Variants in CDK5R1 observed in about 807,000 individuals in gnomAD.
CDK5R1 encodes the protein cyclin-dependent kinase 5 activator 1.
CDK5R1 carries 1 observed loss-of-function variant against 19.0 expected under a neutral mutation model. That is an observed-to-expected ratio of 0.05 (90% CI 0.02 to 0.25). CDK5R1 has a LOEUF of 0.25. Ranked by LOEUF, CDK5R1 falls within the 10% of genes least tolerant of loss-of-function variation. CDK5R1 has a pLI of 1.00. For synonymous variants in CDK5R1, 225 were observed against 187.7 expected (o/e 1.20, Z -1.62); for missense variants, 314 against 401.0 (o/e 0.78, Z 1.85).
Position 32,487,595 on chromosome 17 carries a change from G to GC in CDK5R1, c.-21dup, listed in dbSNP as rs1567862354. On this transcript the variant is annotated 5_prime_UTR_variant, in exon 2 of 2. Transcript: ENST00000313401. The surrounding 1 kb of genome is among the most constrained non-coding windows in gnomAD (Gnocchi z 7.9). Reference sequence around the variant, plus strand: ...GCAGGCTGGGCGCGCAGGGGCGCGAGCCCCCGCCCGGCGCGCAGCAGCACC... The same window carrying GC: ...GCAGGCTGGGCGCGCAGGGGCGCGAGCCCCCCGCCCGGCGCGCAGCAGCACC... 1.9e-6 allele frequency: 3 copies of GC among 1,591,632 alleles called. No homozygotes were observed. Among genetic ancestry groups the GC allele is most frequent in the Non-Finnish European group, 2.6e-6 (3 of 1,169,284 alleles).
Position 32,489,071 on chromosome 17 carries a change from G to C in CDK5R1, c.*527G>C. The C allele has an allele frequency of 2.2e-6, 1 of 456,272 alleles. No homozygotes were observed. The allele number at this position is 456,272 out of a possible 1,614,324, so 28.3% of individuals were successfully genotyped here. On this transcript the variant is annotated 3_prime_UTR_variant, in exon 2 of 2. Coordinates refer to ENST00000313401, the MANE Select transcript of CDK5R1 (RefSeq NM_003885.3). The stretch of plus-strand genomic sequence containing the variant: ...TTCAATCTAGGCGAGGCGAAGCTGA[G>C]CGGGTCTAGTGGAAAGATTGTGTCT...
Position 32,488,772 on chromosome 17 carries a change from C to T in CDK5R1, c.*228C>T. 1.4e-6 allele frequency: 1 copy of T among 738,088 alleles called. No homozygotes were observed. The highest frequency in any genetic ancestry group is 2.2e-6 in the Non-Finnish European group (1 of 462,036). 45.7% of individuals were successfully genotyped at this position (738,088 alleles called of 1,614,324 possible). The stretch of plus-strand genomic sequence containing the variant: ...TATTCAGAGCCACCCAGGCCACTGA[C>T]CTCCCACTTTGGGGAACTCAAAGGA... On this transcript the variant is annotated 3_prime_UTR_variant, in exon 2 of 2. Coordinates refer to ENST00000313401, the MANE Select transcript of CDK5R1 (RefSeq NM_003885.3).
rs1246036183 is a variant in CDK5R1 at position 32,488,998 on chromosome 17, A to C, written c.*454A>C. 10 of 375,554 alleles carry C rather than the reference A, an allele frequency of 2.7e-5. No homozygotes were observed. In the Admixed American group the frequency reaches 3.6e-4, roughly 14 times the overall value. 23.3% of individuals were successfully genotyped at this position (375,554 alleles called of 1,614,324 possible). A position where few individuals can be genotyped will look rare whatever the true frequency, so the allele number is the denominator to read the frequency against. The stretch of plus-strand genomic sequence containing the variant: ...CTCCTGGAGCCAGCCACCCTAACTG[A>C]GCTGCCAGTGGGGTCGTGAGGCAAG... On this transcript the variant is annotated 3_prime_UTR_variant, in exon 2 of 2. Transcript: ENST00000313401.
chr17:32,488,238 G>T lies in CDK5R1; in HGVS notation c.618G>T (p.Met206Ile). The stretch of plus-strand genomic sequence containing the variant: ...CGGCCAACGTGGTCTTCCTCTACAT[G>T]CTCTGCAGGGATGTTATCTCCTCCG... ...ITPANVVFLY[M>I]LCRDVISSEV... Residue 206 changes from methionine to isoleucine, a missense_variant, in exon 2 of 2, where the codon ATG becomes ATT. Met to Ile is a conservative substitution (Grantham distance 10). Transcript: ENST00000313401. The T allele has an allele frequency of 6.2e-7, 1 of 1,614,030 alleles. No individual in the cohort carries two copies. Among genetic ancestry groups the T allele is most frequent in the Non-Finnish European group, 8.5e-7 (1 of 1,180,030 alleles).
At position 32,488,230 on chromosome 17, in the gene CDK5R1, C is replaced by G. The variant is rs1215616776; in HGVS notation, c.610C>G (p.Leu204Val). ...GFITPANVVFLYMLCRDVISS... is the reference protein window; with the variant it reads ...GFITPANVVFVYMLCRDVISS... ...CATCACGCCGGCCAACGTGGTCTTCCTCTACATGCTCTGCAGGGATGTTAT... is the reference window on the plus strand; with the variant it reads ...CATCACGCCGGCCAACGTGGTCTTCGTCTACATGCTCTGCAGGGATGTTAT... The change falls in exon 2 of 2, where the codon CTC (leucine) becomes GTC (valine). Residue 204 changes from leucine (L) to valine (V), a missense_variant. Physicochemically the swap from Leu to Val is conservative, Grantham distance 32. Transcript: ENST00000313401. 1 of 1,614,026 alleles carries G rather than the reference C, an allele frequency of 6.2e-7. No homozygotes were observed. Among genetic ancestry groups the G allele is most frequent in the South Asian group, 1.1e-5 (1 of 91,088 alleles).
chr17:32,487,544 G>T lies in CDK5R1; in HGVS notation c.-77G>T. Reference sequence around the variant, plus strand: ...TCCTCTCCGGGGCCGCCGCAGGCTCGGTGAGCGGTTTTATCCCTCCGGCCG... The same window carrying T: ...TCCTCTCCGGGGCCGCCGCAGGCTCTGTGAGCGGTTTTATCCCTCCGGCCG... On this transcript the variant is annotated 5_prime_UTR_variant, in exon 2 of 2. Transcript: ENST00000313401. This position sits in a 1 kb window ranked among gnomAD's most constrained non-coding sequence, Gnocchi z 7.9. 1 of 1,227,828 alleles carries T rather than the reference G, an allele frequency of 8.1e-7. No homozygotes were observed. Among genetic ancestry groups the T allele is most frequent in the African/African-American group, 1.5e-5 (1 of 65,808 alleles). The allele number at this position is 1,227,828 out of a possible 1,614,324, so 76.1% of individuals were successfully genotyped here.
In CDK5R1 at chr17:32,489,557, A is replaced by C; in HGVS notation, c.*1013A>C. ...CCCGTTAATTTAAAGCTGTTTCTAA[A>C]CAGTTGAGTTTCTTCTAAAGAGGAA... is the stretch of plus-strand genomic sequence containing the variant. On this transcript the variant is annotated 3_prime_UTR_variant, in exon 2 of 2. Coordinates refer to ENST00000313401, the MANE Select transcript of CDK5R1 (RefSeq NM_003885.3). The C allele has an allele frequency of 9.7e-6, 2 of 206,238 alleles. No homozygotes were observed. The highest frequency in any genetic ancestry group is 1.7e-4 in the South Asian group (2 of 11,904). 12.8% of individuals were successfully genotyped at this position (206,238 alleles called of 1,614,324 possible).
In CDK5R1 at chr17:32,487,590, CGCGAGCCCCCG is replaced by C; in HGVS notation, c.-30_-20del. 2.5e-6 allele frequency: 4 copies of C among 1,579,452 alleles called. No homozygotes were observed. Among genetic ancestry groups the C allele is most frequent in the Non-Finnish European group, 3.4e-6 (4 of 1,161,560 alleles). ...GGCCGGCAGGCTGGGCGCGCAGGGG[CGCGAGCCCCCG>C]CCCGGCGCGCAGCAGCACCATGGGC... On this transcript the variant is annotated 5_prime_UTR_variant, in exon 2 of 2. Coordinates refer to ENST00000313401, the MANE Select transcript of CDK5R1 (RefSeq NM_003885.3). The surrounding 1 kb of genome is among the most constrained non-coding windows in gnomAD (Gnocchi z 7.9).
In CDK5R1 at chr17:32,488,247, G is replaced by T; in HGVS notation, c.627G>T (p.Arg209Ser). ...TGGTCTTCCTCTACATGCTCTGCAGGGATGTTATCTCCTCCGAGGTGGGCT... is the reference window on the plus strand; with the variant it reads ...TGGTCTTCCTCTACATGCTCTGCAGTGATGTTATCTCCTCCGAGGTGGGCT... The part of the protein sequence containing the change: ...ANVVFLYMLC[R>S]DVISSEVGSD... The change falls in exon 2 of 2, where the codon AGG (arginine) becomes AGT (serine). Residue 209 changes from arginine to serine, a missense_variant. This residue lies in a region of CDK5R1 where 106 missense variants were observed against 132.1 expected (regional missense o/e 0.80). Coordinates refer to ENST00000313401, the MANE Select transcript of CDK5R1 (RefSeq NM_003885.3). 1 of 1,614,034 alleles carries T rather than the reference G, an allele frequency of 6.2e-7. No individual in the cohort carries two copies. The highest frequency in any genetic ancestry group is 8.5e-7 in the Non-Finnish European group (1 of 1,180,030).
chr17:32,487,607 C>G lies in CDK5R1; in HGVS notation c.-14C>G. ...CGCAGGGGCGCGAGCCCCCGCCCGG[C>G]GCGCAGCAGCACCATGGGCACGGTG... On this transcript the variant is annotated 5_prime_UTR_variant, in exon 2 of 2. Transcript: ENST00000313401. The surrounding 1 kb of genome is among the most constrained non-coding windows in gnomAD (Gnocchi z 7.9). 1.2e-6 allele frequency: 2 copies of G among 1,604,434 alleles called. No homozygotes were observed. Among genetic ancestry groups the G allele is most frequent in the African/African-American group, 1.3e-5 (1 of 74,710 alleles).
rs1254721234 is a variant in CDK5R1, at chr17:32,488,406, C to G, written c.786C>G (p.Leu262=). The G allele has an allele frequency of 6.2e-7, 1 of 1,614,018 alleles. No individual in the cohort carries two copies. The highest frequency in any genetic ancestry group is 8.5e-7 in the Non-Finnish European group (1 of 1,180,030). ...SCKEAFWDRC[L]SVINLMSSKM... ...AGGAGGCCTTTTGGGACCGTTGCCT[C>G]TCTGTCATCAACCTCATGAGCTCAA... Residue 262 remains leucine, a synonymous_variant, in exon 2 of 2, where the codon CTC becomes CTG. Transcript: ENST00000313401.
Position 32,487,093 on chromosome 17 carries a change from C to A in CDK5R1, c.-215C>A, listed in dbSNP as rs1908693255. On this transcript the variant is annotated 5_prime_UTR_variant, in exon 1 of 2. Coordinates refer to ENST00000313401, the MANE Select transcript of CDK5R1 (RefSeq NM_003885.3). This position sits in a 1 kb window ranked among gnomAD's most constrained non-coding sequence, Gnocchi z 7.9. Reference sequence around the variant, plus strand: ...AGCGCCCCCGAGCGCCGCCGAGCGCCGGGACCGCGGCGGCGGGGCCGCGGC... The same window carrying A: ...AGCGCCCCCGAGCGCCGCCGAGCGCAGGGACCGCGGCGGCGGGGCCGCGGC... 1.4e-5 allele frequency: 2 copies of A among 146,608 alleles called. No homozygotes were observed. The highest frequency in any genetic ancestry group is 3.9e-4 in the South Asian group (2 of 5,178). 9.1% of individuals were successfully genotyped at this position (146,608 alleles called of 1,614,324 possible). A position where few individuals can be genotyped will look rare whatever the true frequency, so the allele number is the denominator to read the frequency against.
In CDK5R1 at chr17:32,488,622, A is replaced by T; in HGVS notation, c.*78A>T. On this transcript the variant is annotated 3_prime_UTR_variant, in exon 2 of 2. Transcript: ENST00000313401. ...TTATTAAATCAGTTTTGTGTACAGT[A>T]TGTGTCTAGCAAAGCCACCAAGGGC... The T allele has an allele frequency of 6.3e-7, 1 of 1,586,294 alleles. No homozygotes were observed.
rs186160118 is a variant in CDK5R1 at position 32,488,805 on chromosome 17, G to T, written c.*261G>T. ...TTTGGGGAACTCAAAGGACTGACCTGCCCCTGCCGCCTGTGCCCTTGCTGG... is the reference window on the plus strand; with the variant it reads ...TTTGGGGAACTCAAAGGACTGACCTTCCCCTGCCGCCTGTGCCCTTGCTGG... On this transcript the variant is annotated 3_prime_UTR_variant, in exon 2 of 2. Transcript: ENST00000313401. 1.8e-6 allele frequency: 1 copy of T among 547,552 alleles called. No homozygotes were observed. Among genetic ancestry groups the T allele is most frequent in the Non-Finnish European group, 3.2e-6 (1 of 309,056 alleles). 33.9% of individuals were successfully genotyped at this position (547,552 alleles called of 1,614,324 possible).
At position 32,489,147 on chromosome 17, in the gene CDK5R1, G is replaced by A. The variant is rs1328074263; in HGVS notation, c.*603G>A. ...ATTTGCTGTTTTCTTTTTTTAGGGA[G>A]AAGGGCTTTTCTTTAGTGGAGAAAT... On this transcript the variant is annotated 3_prime_UTR_variant, in exon 2 of 2. Coordinates refer to ENST00000313401, the MANE Select transcript of CDK5R1 (RefSeq NM_003885.3). The A allele has an allele frequency of 2.1e-6, 1 of 471,140 alleles. No individual in the cohort carries two copies. Among genetic ancestry groups the A allele is most frequent in the South Asian group, 1.5e-5 (1 of 64,568 alleles). 29.2% of individuals were successfully genotyped at this position (471,140 alleles called of 1,614,324 possible).
rs1304004465 is a variant in CDK5R1 at position 32,487,582 on chromosome 17, C to A, written c.-39C>A. 2 of 1,558,492 alleles carry A rather than the reference C, an allele frequency of 1.3e-6. No homozygotes were observed. Among genetic ancestry groups the A allele is most frequent in the Non-Finnish European group, 1.7e-6 (2 of 1,147,348 alleles). ...ATCCCTCCGGCCGGCAGGCTGGGCGCGCAGGGGCGCGAGCCCCCGCCCGGC... is the reference window on the plus strand; with the variant it reads ...ATCCCTCCGGCCGGCAGGCTGGGCGAGCAGGGGCGCGAGCCCCCGCCCGGC... On this transcript the variant is annotated 5_prime_UTR_variant, in exon 2 of 2. Coordinates refer to ENST00000313401, the MANE Select transcript of CDK5R1 (RefSeq NM_003885.3). This position sits in a 1 kb window ranked among gnomAD's most constrained non-coding sequence, Gnocchi z 7.9.
At position 32,491,166 on chromosome 17, in the gene CDK5R1, G is replaced by A. The variant is rs780753296; in HGVS notation, c.*2622G>A. The stretch of plus-strand genomic sequence containing the variant: ...GTTTATAATCTGACAAAGTCATGAA[G>A]CTCAGTTTGGCTGTAATTTAATTCC... On this transcript the variant is annotated 3_prime_UTR_variant, in exon 2 of 2. Coordinates refer to ENST00000313401, the MANE Select transcript of CDK5R1 (RefSeq NM_003885.3). 89 of 167,070 alleles carry A rather than the reference G, an allele frequency of 5.3e-4. No homozygotes were observed. Among genetic ancestry groups the A allele is most frequent in the Non-Finnish European group, 1.1e-3 (72 of 68,116 alleles). 10.3% of individuals were successfully genotyped at this position (167,070 alleles called of 1,614,324 possible).
Position 32,489,555 on chromosome 17 carries a change from A to G in CDK5R1, c.*1011A>G, listed in dbSNP as rs761735963. On this transcript the variant is annotated 3_prime_UTR_variant, in exon 2 of 2. Coordinates refer to ENST00000313401, the MANE Select transcript of CDK5R1 (RefSeq NM_003885.3). Reference sequence around the variant, plus strand: ...CACCCGTTAATTTAAAGCTGTTTCTAAACAGTTGAGTTTCTTCTAAAGAGG... The same window carrying G: ...CACCCGTTAATTTAAAGCTGTTTCTGAACAGTTGAGTTTCTTCTAAAGAGG... The G allele has an allele frequency of 1.1e-5, 2 of 185,296 alleles. No homozygotes were observed. The highest frequency in any genetic ancestry group is 2.3e-5 in the Non-Finnish European group (2 of 87,826). The allele number at this position is 185,296 out of a possible 1,614,324, so 11.5% of individuals were successfully genotyped here.
At position 32,487,066 on chromosome 17, in the gene CDK5R1, C is replaced by A; in HGVS notation, c.-242C>A. ...GAGCGCGAGCCCAGCCGATCCCCGCCGAGCGCCCCCGAGCGCCGCCGAGCG... is the reference window on the plus strand; with the variant it reads ...GAGCGCGAGCCCAGCCGATCCCCGCAGAGCGCCCCCGAGCGCCGCCGAGCG... On this transcript the variant is annotated 5_prime_UTR_variant, in exon 1 of 2. Coordinates refer to ENST00000313401, the MANE Select transcript of CDK5R1 (RefSeq NM_003885.3). This position sits in a 1 kb window ranked among gnomAD's most constrained non-coding sequence, Gnocchi z 7.9. 1 of 146,370 alleles carries A rather than the reference C, an allele frequency of 6.8e-6. No homozygotes were observed. The highest frequency in any genetic ancestry group is 1.9e-4 in the South Asian group (1 of 5,364). 9.1% of individuals were successfully genotyped at this position (146,370 alleles called of 1,614,324 possible). A position where few individuals can be genotyped will look rare whatever the true frequency, so the allele number is the denominator to read the frequency against.
Sources: allele counts gnomAD v4.1 joint callset, GRCh38; gene constraint gnomAD v4.1.1; regional missense constraint gnomAD v4.1.1; non-coding constraint Gnocchi (gnomAD v3.1); transcripts MANE v1.5; gene names NCBI Gene and HGNC (gene_info 2026-07-23, HGNC 2026-07-21).